The following AFAP1 variants were observed in gnomAD, a reference collection of about 807,000 sequenced individuals.
AFAP1 encodes actin filament associated protein 1.
In AFAP1, 75 loss-of-function variants were observed where a neutral mutation model predicts 93.9. That is an observed-to-expected ratio of 0.80 (90% CI 0.66 to 0.97). AFAP1 has a LOEUF of 0.97. Among genes scored for constraint, AFAP1 ranks in the 50% least tolerant of loss-of-function variants. AFAP1 has a pLI of 0.00. For synonymous variants in AFAP1, 517 were observed against 430.7 expected (o/e 1.20, Z -2.48); for missense variants, 1,201 against 1,050.8 (o/e 1.14, Z -1.98).
At chr4:7,808,702 A>T (rs1719747538) in intron 9 of AFAP1, among the ~76,000 whole-genome samples, 1 of 152,134 alleles carries the variant, frequency 6.6e-6, no homozygotes, top group South Asian at 2.1e-4. Flanking sequence ...GCCTGGTGGG[A>T]GGTGCTTGGG....
At chr4:7,877,375 C>T (rs577779954) in intron 1 of AFAP1, among the ~76,000 whole-genome samples, 13 of 152,352 alleles carry the variant, frequency 8.5e-5, no homozygotes, top group Admixed American at 5.2e-4. Flanking sequence ...GCCCCATCTA[C>T]AGCAGAGGAA....
intron 1 of AFAP1, among the ~76,000 whole-genome samples, chr4:7,918,963 T>TGCCAGAAGAGACA: frequency 7.3e-6 from 1 of 137,810 alleles, no homozygotes; most frequent in African/African-American, 2.8e-5. Context: ...GAAACAGGGC[T>TGCCAGAAGAGACA]GTTGGAAGAG....
chr4:7,806,308 C>T (rs928104145), intron 9 of AFAP1, among the ~76,000 whole-genome samples: 1 of 152,208 alleles, frequency 6.6e-6, no homozygotes, highest in African/African-American at 2.4e-5. Flanking sequence ...TTGGCCCAAA[C>T]CCCCCTAAAC....
chr4:7,895,748 A>G (rs898950781), intron 1 of AFAP1, among the ~76,000 whole-genome samples: 6 of 152,046 alleles, frequency 3.9e-5, no homozygotes, highest in Non-Finnish European at 8.8e-5. Flanking sequence ...CAAAAATATC[A>G]GCGGTTTTAG....
chr4:7,875,855 A>G (rs1186474990), intron 1 of AFAP1, among the ~76,000 whole-genome samples: 1 of 152,232 alleles, frequency 6.6e-6, no homozygotes, highest in Non-Finnish European at 1.5e-5. Context: ...GAGTCTACTT[A>G]TATAAAGTAC....
intron 17 of AFAP1, among the ~76,000 whole-genome samples, chr4:7,764,183 G>A (rs936780470): frequency 5.9e-5 from 9 of 152,212 alleles, no homozygotes; most frequent in Non-Finnish European, 8.8e-5. Flanking sequence ...GAAACAGGCC[G>A]ATGACAAAAG....
intron 3 of AFAP1, among the ~76,000 whole-genome samples, chr4:7,866,076 A>C (rs1393566386): frequency 6.6e-6 from 1 of 151,578 alleles, no homozygotes; most frequent in East Asian, 2.0e-4. Flanking sequence ...TTTTATTTTT[A>C]GTAGAGACGG....
At chr4:7,934,506 C>A (rs1210065601) in intron 1 of AFAP1, among the ~76,000 whole-genome samples, 5 of 152,302 alleles carry the variant, frequency 3.3e-5, no homozygotes, top group African/African-American at 9.6e-5. Context: ...AACATAAATT[C>A]TTCGAGGACC....
chr4:7,848,819 G>C (rs994027407), intron 4 of AFAP1, among the ~76,000 whole-genome samples: 2 of 152,084 alleles, frequency 1.3e-5, no homozygotes, highest in African/African-American at 4.8e-5. Flanking sequence ...TAGTTTCATG[G>C]GCAGGAATTG....
At chr4:7,840,537 C>G (rs1049659077) in intron 5 of AFAP1, among the ~76,000 whole-genome samples, 1 of 152,150 alleles carries the variant, frequency 6.6e-6, no homozygotes, top group African/African-American at 2.4e-5. Flanking sequence ...TGGTCTCGAA[C>G]TCCTGACTTC....
intron 1 of AFAP1, among the ~76,000 whole-genome samples, chr4:7,884,119 C>T (rs1463565423): frequency 1.3e-5 from 2 of 152,090 alleles, no homozygotes; most frequent in Non-Finnish European, 2.9e-5. Context: ...CTCCCCCACT[C>T]CCTCTCTTGC....
chr4:7,904,956 G>A (rs1486069655), intron 1 of AFAP1, among the ~76,000 whole-genome samples: 1 of 152,156 alleles, frequency 6.6e-6, no homozygotes, highest in African/African-American at 2.4e-5. Context: ...GATCCTCCCA[G>A]CTCGGCCTCC....
At chr4:7,824,530 C>G (rs1349073371) in intron 6 of AFAP1, among the ~76,000 whole-genome samples, 1 of 152,108 alleles carries the variant, frequency 6.6e-6, no homozygotes, top group Non-Finnish European at 1.5e-5. Context: ...AATTCTTGCA[C>G]GAGTATGTGC....
chr4:7,888,767 A>G (rs1052980679), intron 1 of AFAP1, among the ~76,000 whole-genome samples: 2 of 151,968 alleles, frequency 1.3e-5, no homozygotes, highest in African/African-American at 2.4e-5. Flanking sequence ...GAACACAGAC[A>G]GAAAAATTGT....
intron 1 of AFAP1, among the ~76,000 whole-genome samples, chr4:7,890,502 A>G (rs111231306): frequency 0.021 from 3,136 of 152,326 alleles, 112 homozygotes; most frequent in African/African-American, 0.072. Flanking sequence ...ACTAATATAT[A>G]AGAAAAAAAT....
At position 7,928,149 on chromosome 4, in the gene AFAP1, C is replaced by T. The variant is rs139136666; in HGVS notation, c.-3+11507G>A. On this transcript the variant is annotated intron_variant, in intron 1 of 17. Coordinates refer to ENST00000420658, the MANE Select transcript of AFAP1 (RefSeq NM_001134647.2). ...ACGTAATAGCAATGCATTCTTCAACCGGTGCCTTTGGCTAAATGTAAACTG... is the reference window on the plus strand; with the variant it reads ...ACGTAATAGCAATGCATTCTTCAACTGGTGCCTTTGGCTAAATGTAAACTG... Among the ~76,000 whole-genome samples, 836 of 152,270 alleles carry T rather than the reference C, an allele frequency of 5.5e-3. 3 individuals carry two copies. The highest frequency in any genetic ancestry group is 0.018 in the African/African-American group (762 of 41,558).
intron 12 of AFAP1, among the ~76,000 whole-genome samples, chr4:7,782,425 A>C (rs1440794240): frequency 6.6e-6 from 1 of 152,244 alleles, no homozygotes; most frequent in African/African-American, 2.4e-5. Context: ...ACACAAGCAA[A>C]ACCGTCTGTG....
At chr4:7,887,527 T>C (rs916488512) in intron 1 of AFAP1, among the ~76,000 whole-genome samples, 6 of 152,190 alleles carry the variant, frequency 3.9e-5, no homozygotes, top group Non-Finnish European at 8.8e-5. Flanking sequence ...ACCAATATAA[T>C]GTTAAAAAGT....
chr4:7,846,776 T>C, intron 4 of AFAP1, among the ~76,000 whole-genome samples: 1 of 152,088 alleles, frequency 6.6e-6, no homozygotes, highest in East Asian at 1.9e-4. Flanking sequence ...ACATCCACCA[T>C]CTCACCGGAC....
Sources: gnomAD v4.1 joint callset for allele counts (sites outside exome capture counted in the v4.1 genomes callset) on GRCh38, gnomAD v4.1.1 for gene constraint, MANE v1.5 for transcripts, NCBI Gene and HGNC (gene_info 2026-07-23, HGNC 2026-07-21) for gene names.